Variants in GJB1 observed in about 807,000 individuals in gnomAD.
GJB1 encodes the protein gap junction protein beta 1, also known as gap junction beta-1 protein.
A neutral mutation model predicts 12.0 loss-of-function variants in GJB1; 1 was observed. That is an observed-to-expected ratio of 0.08 (90% CI 0.03 to 0.40). The LOEUF is 0.40. Among genes scored for constraint, GJB1 ranks in the 10% least tolerant of loss-of-function variants. GJB1 has a pLI of 0.98. For missense variants in GJB1, 140 were observed against 250.3 expected (o/e 0.56, Z 2.97); for synonymous variants, 114 against 102.8 (o/e 1.11, Z -0.66).
chrX:71,219,730 C>T (rs1291217921), upstream of GJB1, among the ~76,000 whole-genome samples: 1 of 84,219 alleles, frequency 1.2e-5, no homozygotes, highest in East Asian at 3.9e-4. Flanking sequence ...GCTGAGATCG[C>T]GCCACTGCAG....
At position 71,224,420 on chromosome X, in the gene GJB1, G is replaced by A. The variant is rs776206757; in HGVS notation, c.713G>A (p.Arg238His). ...CGCAAGGGCTCGGGCTTCGGCCACC[G>A]CCTCTCACCTGAATACAAGCAGAAT... ...PSRKGSGFGH[R>H]LSPEYKQNEI... Residue 238 changes from arginine to histidine, a missense_variant, in exon 2 of 2, where the codon CGC becomes CAC. By Grantham distance (29) the Arg-to-His change is conservative. Transcript: ENST00000361726. 9 of 1,207,990 alleles carry A rather than the reference G, an allele frequency of 7.5e-6. No individual in the cohort carries two copies. The highest frequency in any genetic ancestry group is 5.3e-5 in the South Asian group (3 of 56,501).
upstream of GJB1, among the ~76,000 whole-genome samples, chrX:71,221,416 T>C (rs1218684943): frequency 1.8e-5 from 2 of 111,042 alleles, no homozygotes; most frequent in Non-Finnish European, 3.8e-5. Flanking sequence ...TCCTGTGGAC[T>C]GTCCTTCTTT....
chrX:71,215,869 G>T (rs1471938719), intron 1 of GJB1, among the ~76,000 whole-genome samples: 1 of 94,153 alleles, frequency 1.1e-5, no homozygotes, highest in African/African-American at 4.3e-5. Context: ...TGATGGTTCG[G>T]AGATTTTTTT....
upstream of GJB1, among the ~76,000 whole-genome samples, chrX:71,221,000 A>G (rs1226482526): frequency 5.1e-5 from 5 of 97,923 alleles, no homozygotes; most frequent in East Asian, 1.3e-3. Flanking sequence ...GGGTTCAAGC[A>G]ATTCTCCTGC....
upstream of GJB1, among the ~76,000 whole-genome samples, chrX:71,221,973 A>G (rs758616753): frequency 9.6e-5 from 10 of 103,748 alleles, no homozygotes; most frequent in African/African-American, 3.5e-4. Flanking sequence ...CCATCTCTAC[A>G]AAAAAAAAAA....
Position 71,224,458 on chromosome X carries a change from C to T in GJB1, c.751C>T (p.Leu251=), listed in dbSNP as rs2092546547. ...ATACAAGCAGAATGAGATCAACAAGCTGCTGAGTGAGCAGGATGGCTCCCT... is the reference window on the plus strand; with the variant it reads ...ATACAAGCAGAATGAGATCAACAAGTTGCTGAGTGAGCAGGATGGCTCCCT... ...PEYKQNEINK[L]LSEQDGSLKD... is the part of the protein sequence containing the mutation. The change falls in exon 2 of 2, where the codon CTG becomes TTG. Residue 251 remains leucine, a synonymous_variant. Coordinates refer to ENST00000361726, the MANE Select transcript of GJB1 (RefSeq NM_000166.6). 8.3e-7 allele frequency: 1 copy of T among 1,206,773 alleles called. No homozygotes were observed. The highest frequency in any genetic ancestry group is 1.1e-6 in the Non-Finnish European group (1 of 893,720).
chrX:71,217,511 A>G (rs1471840045), intron 1 of GJB1: 2 of 111,958 alleles, frequency 1.8e-5, no homozygotes, highest in East Asian at 5.6e-4. Flanking sequence ...TAAACATGAG[A>G]GCAAAACACG....
At chrX:71,217,104 ATG>A (rs34246909) in intron 1 of GJB1, among the ~76,000 whole-genome samples, 20,864 of 93,262 alleles carry the variant, frequency 0.22, 1,917 homozygotes, top group Admixed American at 0.35. Flanking sequence ...GACTAGACGA[ATG>A]TGTGTGTGTG....
At chrX:71,218,844 C>T (rs920404138), upstream of GJB1, among the ~76,000 whole-genome samples, 4 of 107,703 alleles carry the variant, frequency 3.7e-5, no homozygotes, top group African/African-American at 1.4e-4. Context: ...CGAGATCGCG[C>T]CACTGCACTC....
chrX:71,217,904 A>G (rs1278688638), intron 1 of GJB1: 1 of 112,106 alleles, frequency 8.9e-6, no homozygotes, highest in Admixed American at 9.6e-5. Flanking sequence ...AGGTAAGGAA[A>G]GGAAAAGCAG....
chrX:71,223,923 C>T lies in GJB1; in HGVS notation c.216C>T (p.Ser72=), dbSNP rs2092543324. The stretch of plus-strand genomic sequence containing the variant: ...GCTATGACCAATTCTTCCCCATCTC[C>T]CATGTGCGGCTGTGGTCCCTGCAGC... ...SVCYDQFFPI[S]HVRLWSLQLI... Residue 72 remains serine (S), a synonymous_variant, in exon 2 of 2, where the codon TCC becomes TCT. Coordinates refer to ENST00000361726, the MANE Select transcript of GJB1 (RefSeq NM_000166.6). 1.2e-5 allele frequency: 14 copies of T among 1,207,353 alleles called. 1 individual carries two copies. The highest frequency in any genetic ancestry group is 1.6e-5 in the Non-Finnish European group (14 of 893,092).
At chrX:71,216,744 A>G (rs187616545) in intron 1 of GJB1, among the ~76,000 whole-genome samples, 1 of 111,502 alleles carries the variant, frequency 9.0e-6, no homozygotes, top group East Asian at 2.8e-4. Flanking sequence ...CGGAATATGT[A>G]TGGCAGGGTG....
intron 1 of GJB1, among the ~76,000 whole-genome samples, chrX:71,217,104 A>ATGTGTGTGTG (rs34246909): frequency 0.092 from 8,591 of 93,408 alleles, 410 homozygotes; most frequent in African/African-American, 0.13. Context: ...GACTAGACGA[A>ATGTGTGTGTG]TGTGTGTGTG....
rs760123011 is a variant in GJB1 at position 71,224,146 on chromosome X, G to T, written c.439G>T (p.Ala147Ser). 8.3e-7 allele frequency: 1 copy of T among 1,202,567 alleles called. No homozygotes were observed. The highest frequency in any genetic ancestry group is 1.1e-6 in the Non-Finnish European group (1 of 891,846). The change falls in exon 2 of 2, where the codon GCC (alanine) becomes TCC (serine). Residue 147 changes from alanine to serine, a missense_variant. Coordinates refer to ENST00000361726, the MANE Select transcript of GJB1 (RefSeq NM_000166.6). ...ISVVFRLLFE[A>S]VFMYVFYLLY... ...CGTGGTGTTCCGGCTGTTGTTTGAG[G>T]CCGTCTTCATGTATGTCTTTTATCT...
upstream of GJB1, among the ~76,000 whole-genome samples, chrX:71,222,992 C>T (rs1040649934): frequency 9.0e-6 from 1 of 110,965 alleles, no homozygotes; most frequent in African/African-American, 3.3e-5. Context: ...CCCCCGCCCC[C>T]CCGTGGCCAT....
chrX:71,224,122 G>A lies in GJB1; in HGVS notation c.415G>A (p.Val139Met), dbSNP rs104894812. The A allele has an allele frequency of 8.3e-7, 1 of 1,205,727 alleles. No individual in the cohort carries two copies. The highest frequency in any genetic ancestry group is 1.1e-6 in the Non-Finnish European group (1 of 892,147). Residue 139 changes from valine (V) to methionine (M), a missense_variant, in exon 2 of 2, where the codon GTG (valine) becomes ATG (methionine). By Grantham distance (21) the Val-to-Met change is conservative. Coordinates refer to ENST00000361726, the MANE Select transcript of GJB1 (RefSeq NM_000166.6). ...ACTGTGGTGGACCTATGTCATCAGCGTGGTGTTCCGGCTGTTGTTTGAGGC... is the reference window on the plus strand; with the variant it reads ...ACTGTGGTGGACCTATGTCATCAGCATGGTGTTCCGGCTGTTGTTTGAGGC... ...GTLWWTYVIS[V>M]VFRLLFEAVF...
At chrX:71,215,383 C>T (rs1396201232) in intron 1 of GJB1, 1 of 112,235 alleles carries the variant, frequency 8.9e-6, no homozygotes, top group East Asian at 2.8e-4. Flanking sequence ...CTTCTACTGA[C>T]CTCCGCCTTC....
chrX:71,219,750 G>A (rs2092532741), upstream of GJB1, among the ~76,000 whole-genome samples: 1 of 74,803 alleles, frequency 1.3e-5, no homozygotes, highest in Admixed American at 1.7e-4. Flanking sequence ...GTCCAGCCTG[G>A]GCGACAGAGC....
At chrX:71,220,447 G>A (rs953236038), upstream of GJB1, among the ~76,000 whole-genome samples, 1 of 99,785 alleles carries the variant, frequency 1.0e-5, no homozygotes, top group African/African-American at 3.8e-5. Context: ...GCTGGGATTC[G>A]AGGCGTGAGC....
Sources: gnomAD v4.1 joint callset for allele counts (sites outside exome capture counted in the v4.1 genomes callset) on GRCh38, gnomAD v4.1.1 for gene constraint, MANE v1.5 for transcripts, NCBI Gene and HGNC (gene_info 2026-07-23, HGNC 2026-07-21) for gene names.